TRIM33: variants seen among roughly 807,000 people sequenced by gnomAD.
TRIM33 encodes the protein E3 ubiquitin-protein ligase TRIM33.
A neutral mutation model predicts 125.4 loss-of-function variants in TRIM33; 20 were observed. That is an observed-to-expected ratio of 0.16 (90% CI 0.11 to 0.23). The LOEUF is 0.23. Ranked by LOEUF, TRIM33 falls within the 10% of genes least tolerant of loss-of-function variation. The pLI, the probability that TRIM33 is intolerant of heterozygous loss-of-function variation, is 1.00. For synonymous variants in TRIM33, 564 were observed against 513.9 expected, an observed-to-expected ratio of 1.10 and a Z score of -1.32; for missense variants, 920 against 1,411.4, an observed-to-expected ratio of 0.65 and a Z score of 5.58.
chr1:114,401,026 CTCTTTTTTTTTTTTT>C lies in TRIM33; in HGVS notation c.2967+348_2967+362del, dbSNP rs890113495. On this transcript the variant is annotated intron_variant, in intron 17 of 19. Transcript: ENST00000358465. ...TAATACAACTTAGTCTAAGGCCATACTCTTTTTTTTTTTTTTCTTTTTTTTTTTGAGACGGAGTCT... is the reference window on the plus strand; with the variant it reads ...TAATACAACTTAGTCTAAGGCCATACTCTTTTTTTTTTTGAGACGGAGTCT... Among the ~76,000 whole-genome samples, 9 of 150,308 alleles carry C rather than the reference CTCTTTTTTTTTTTTT, an allele frequency of 6.0e-5. No homozygotes were observed. The South Asian group carries it at 8.4e-4, about 14-fold the overall frequency.
intron 4 of TRIM33, among the ~76,000 whole-genome samples, chr1:114,453,899 C>A (rs981271532): frequency 2.0e-5 from 3 of 152,210 alleles, no homozygotes; most frequent in African/African-American, 7.2e-5. Flanking sequence ...CATGGCTCCA[C>A]TGGGAGAAGA....
intron 4 of TRIM33, among the ~76,000 whole-genome samples, chr1:114,452,260 GA>G (rs1429376199): frequency 4.6e-5 from 7 of 152,070 alleles, no homozygotes; most frequent in African/African-American, 7.2e-5. Context: ...GAGAGATTGA[GA>G]CCATCCTGGC....
At chr1:114,435,604 A>C (rs1311930734) in intron 4 of TRIM33, among the ~76,000 whole-genome samples, 1 of 152,212 alleles carries the variant, frequency 6.6e-6, no homozygotes, top group Non-Finnish European at 1.5e-5. Context: ...AGTGGGATAC[A>C]AGAGGTACAA....
rs998957159 is a variant in TRIM33 at position 114,401,436 on chromosome 1, A to G, written c.2920T>C (p.Tyr974His). 13 of 1,613,196 alleles carry G rather than the reference A, an allele frequency of 8.1e-6. No homozygotes were observed. Among genetic ancestry groups the G allele is most frequent in the African/African-American group, 1.3e-5 (1 of 74,864 alleles). ...RKCERLLLYL[Y>H]CHELSIEFQE... ...AATTCAATACTTAATTCATGGCAAT[A>G]GAGGTAAAGCAGAAGACGTTCACAT... Residue 974 changes from tyrosine to histidine, a missense_variant, in exon 17 of 20, where the codon TAT (tyrosine) becomes CAT (histidine). Tyr to His is a moderately conservative substitution (Grantham distance 83, BLOSUM62 2). This residue lies in a region of TRIM33 where 122 missense variants were observed against 236.8 expected (regional missense o/e 0.52). Coordinates refer to ENST00000358465, the MANE Select transcript of TRIM33 (RefSeq NM_015906.4).
chr1:114,400,010 A>G (rs892558712), intron 17 of TRIM33, among the ~76,000 whole-genome samples: 2 of 152,198 alleles, frequency 1.3e-5, no homozygotes, highest in East Asian at 1.9e-4. Context: ...TTTGGAAAAC[A>G]TAACAGGGAA....
chr1:114,439,937 A>C (rs568016373), intron 4 of TRIM33, among the ~76,000 whole-genome samples: 1 of 152,332 alleles, frequency 6.6e-6, no homozygotes, highest in Admixed American at 6.5e-5. Context: ...AAAAGTTAAC[A>C]TGAAGGTGAA....
At chr1:114,472,142 A>C (rs1018915842) in intron 1 of TRIM33, among the ~76,000 whole-genome samples, 5 of 152,208 alleles carry the variant, frequency 3.3e-5, no homozygotes, top group African/African-American at 4.8e-5. Flanking sequence ...AAATTTTTAA[A>C]CTTAGAAACA....
intron 12 of TRIM33, 68 bp downstream of exon 12, chr1:114,410,116 G>T: frequency 6.4e-7 from 1 of 1,568,522 alleles, no homozygotes. Flanking sequence ...GGAGAATTCT[G>T]ACTAAGACAG....
Position 114,410,037 on chromosome 1 carries a change from C to A in TRIM33, c.2194+147G>T, listed in dbSNP as rs1446290844. 39 of 1,049,170 alleles carry A rather than the reference C, an allele frequency of 3.7e-5. No individual in the cohort carries two copies. The East Asian group carries it at 9.7e-4, about 26-fold the overall frequency. The allele number at this position is 1,049,170 out of a possible 1,614,324, so 65.0% of individuals were successfully genotyped here. A position where few individuals can be genotyped will look rare whatever the true frequency, so the allele number is the denominator to read the frequency against. On this transcript the variant is annotated intron_variant, in intron 12 of 19. Coordinates refer to ENST00000358465, the MANE Select transcript of TRIM33 (RefSeq NM_015906.4). The stretch of plus-strand genomic sequence containing the variant: ...ACACCCACAATCACATGAGCCAATT[C>A]CTTAAAATAAATCTCTCTCAATCTC...
chr1:114,407,032 T>A lies in TRIM33; in HGVS notation c.2327A>T (p.Lys776Met). The change falls in exon 14 of 20, where the codon AAG (lysine) becomes ATG (methionine). Residue 776 changes from lysine (K) to methionine (M), a missense_variant. Physicochemically the swap from Lys to Met is moderately conservative, Grantham distance 95. Coordinates refer to ENST00000358465, the MANE Select transcript of TRIM33 (RefSeq NM_015906.4). ...LSFKSDQVKV[K>M]QEPGTEDEIC... ...TTCATCTTCAGTCCCAGGTTCTTGCTTGACCTTCACCTGATCAGATTTGAA... is the reference window on the plus strand; with the variant it reads ...TTCATCTTCAGTCCCAGGTTCTTGCATGACCTTCACCTGATCAGATTTGAA... The A allele has an allele frequency of 6.2e-7, 1 of 1,614,062 alleles. No homozygotes were observed. Among genetic ancestry groups the A allele is most frequent in the Non-Finnish European group, 8.5e-7 (1 of 1,179,934 alleles).
In TRIM33 at chr1:114,427,208, G is replaced by A. The variant is rs2101166875; in HGVS notation, c.1389C>T (p.Pro463=). The change falls in exon 8 of 20, where the codon CCC becomes CCT. Residue 463 remains proline, a synonymous_variant. Coordinates refer to ENST00000358465, the MANE Select transcript of TRIM33 (RefSeq NM_015906.4). Reference sequence around the variant, plus strand: ...TGACTACATTCTTTGCCCAGAAGGTGGGATCACAATGGAAACGTATTGCTC... The same window carrying A: ...TGACTACATTCTTTGCCCAGAAGGTAGGATCACAATGGAAACGTATTGCTC... ...ANGAIRFHCD[P]TFWAKNVVNL... is the part of the protein sequence containing the mutation. The A allele has an allele frequency of 1.9e-6, 3 of 1,596,062 alleles. No homozygotes were observed. Among genetic ancestry groups the A allele is most frequent in the African/African-American group, 1.3e-5 (1 of 74,562 alleles).
chr1:114,506,565 G>C (rs1653018067), intron 1 of TRIM33, among the ~76,000 whole-genome samples: 1 of 151,984 alleles, frequency 6.6e-6, no homozygotes, highest in African/African-American at 2.4e-5. Flanking sequence ...ACAGGGTCTT[G>C]CTATGTTACT....
chr1:114,475,858 C>T (rs1234768304), intron 1 of TRIM33, among the ~76,000 whole-genome samples: 2 of 151,976 alleles, frequency 1.3e-5, no homozygotes, highest in Non-Finnish European at 2.9e-5. Flanking sequence ...TAAAAACTAG[C>T]TCAGCGTGTA....
chr1:114,483,741 A>G (rs1240202864), intron 1 of TRIM33, among the ~76,000 whole-genome samples: 1 of 152,102 alleles, frequency 6.6e-6, no homozygotes, highest in Non-Finnish European at 1.5e-5. Context: ...AATTCTCTCA[A>G]GGAAGAAATA....
chr1:114,471,846 T>TA (rs1405765960), intron 1 of TRIM33, among the ~76,000 whole-genome samples: 1 of 152,172 alleles, frequency 6.6e-6, no homozygotes, highest in African/African-American at 2.4e-5. Flanking sequence ...TGTTATTTTA[T>TA]AAAAAATTGA....
intron 2 of TRIM33, 43 bp from the exon 3 acceptor site, chr1:114,463,599 A>G: frequency 8.0e-7 from 1 of 1,248,112 alleles, no homozygotes; most frequent in Non-Finnish European, 1.1e-6. Flanking sequence ...AATACATAAA[A>G]TCTAGATCTA....
chr1:114,475,516 C>A (rs1397191326), intron 1 of TRIM33, among the ~76,000 whole-genome samples: 1 of 152,014 alleles, frequency 6.6e-6, no homozygotes, highest in Non-Finnish European at 1.5e-5. Flanking sequence ...GCTGTCTGTA[C>A]TAAAAATACA....
chr1:114,496,951 T>C (rs530053967), intron 1 of TRIM33, among the ~76,000 whole-genome samples: 208 of 152,362 alleles, frequency 1.4e-3, no homozygotes, highest in African/African-American at 4.8e-3. Context: ...AGCACAGCTA[T>C]AGTGTAAGTA....
chr1:114,444,973 T>C (rs1209606043), intron 4 of TRIM33, among the ~76,000 whole-genome samples: 1 of 151,992 alleles, frequency 6.6e-6, no homozygotes, highest in African/African-American at 2.4e-5. Flanking sequence ...TCTCAACAGA[T>C]AGATGGAAAC....
Sources: gnomAD v4.1 joint callset for allele counts (sites outside exome capture counted in the v4.1 genomes callset) on GRCh38, gnomAD v4.1.1 for gene constraint, gnomAD v4.1.1 regional missense constraint, MANE v1.5 for transcripts, NCBI Gene and HGNC (gene_info 2026-07-23, HGNC 2026-07-21) for gene names.